NOC4L: variants seen among roughly 807,000 people sequenced by gnomAD.
The protein encoded by NOC4L is nucleolar complex protein 4 homolog.
Under a neutral mutation model 62.8 loss-of-function variants are expected in NOC4L, and 40 were observed. The ratio of observed to expected loss-of-function variants is 0.64; its 90% confidence interval spans 0.49 to 0.83. NOC4L has a LOEUF of 0.83. Among genes scored for constraint, NOC4L ranks in the 40% least tolerant of loss-of-function variants. The pLI is 0.00. For synonymous variants in NOC4L, 433 were observed against 299.8 expected (o/e 1.44, Z -4.59); for missense variants, 927 against 701.9 (o/e 1.32, Z -3.62).
rs1462639075 is a variant in NOC4L, at chr12:132,151,519, A to T, written c.1109A>T (p.Lys370Met). The T allele has an allele frequency of 6.2e-7, 1 of 1,606,660 alleles. No individual in the cohort carries two copies. The highest frequency in any genetic ancestry group is 2.2e-5 in the East Asian group (1 of 44,806). The change falls in exon 12 of 15, where the codon AAG becomes ATG. Residue 370 changes from lysine to methionine, a missense_variant. Lys to Met is a moderately conservative substitution (Grantham distance 95). Coordinates refer to ENST00000330579, the MANE Select transcript of NOC4L (RefSeq NM_024078.3). ...LPAYLVAAFAKRLARLALTAP... is the reference protein window; with the variant it reads ...LPAYLVAAFAMRLARLALTAP... ...GCCTACCTGGTGGCCGCCTTCGCCA[A>T]GCGGCTGGCCCGCCTGGCCCTGACG...
At chr12:132,145,208 C>T (rs1010571896) in intron 2 of NOC4L, among the ~76,000 whole-genome samples, 2 of 152,186 alleles carry the variant, frequency 1.3e-5, no homozygotes, top group South Asian at 2.1e-4. Context: ...GTGCTTTGCA[C>T]CCCTTTTGTA....
At position 132,152,315 on chromosome 12, in the gene NOC4L, G is replaced by A. The variant is rs772450880; in HGVS notation, c.1465G>A (p.Glu489Lys). 19 of 1,562,762 alleles carry A rather than the reference G, an allele frequency of 1.2e-5. No individual in the cohort carries two copies. Among genetic ancestry groups the A allele is most frequent in the African/African-American group, 5.4e-5 (4 of 73,422 alleles). Residue 489 changes from glutamate (E) to lysine (K), a missense_variant, in exon 15 of 15, where the codon GAG (glutamate) becomes AAG (lysine). Transcript: ENST00000330579. Reference sequence around the variant, plus strand: ...GCGGGACCTGAAGAAGAAGGGGCCCGAGCCGGTGCCACTGGAGTTTATCCC... The same window carrying A: ...GCGGGACCTGAAGAAGAAGGGGCCCAAGCCGGTGCCACTGGAGTTTATCCC... ...FERDLKKKGPEPVPLEFIPAQ... is the reference protein window; with the variant it reads ...FERDLKKKGPKPVPLEFIPAQ...
chr12:132,151,775 C>A lies in NOC4L; in HGVS notation c.1272C>A (p.Asp424Glu). 6.2e-7 allele frequency: 1 copy of A among 1,612,352 alleles called. No homozygotes were observed. The highest frequency in any genetic ancestry group is 8.5e-7 in the Non-Finnish European group (1 of 1,179,804). ...ACCCCTACGACCCTGGAGAGGAGGA[C>A]CCAGCCCAGAGCCGGGCCTTGGAGA... ...DADPYDPGEE[D>E]PAQSRALESS... Residue 424 changes from aspartate to glutamate, a missense_variant, in exon 13 of 15, where the codon GAC (aspartate) becomes GAA (glutamate). By Grantham distance (45) the Asp-to-Glu change is conservative. Coordinates refer to ENST00000330579, the MANE Select transcript of NOC4L (RefSeq NM_024078.3).
In NOC4L at chr12:132,148,644, C is replaced by T. The variant is rs989117813; in HGVS notation, c.774C>T (p.Ser258=). The change falls in exon 8 of 15, where the codon AGC becomes AGT. Residue 258 remains serine (S), a synonymous_variant. Coordinates refer to ENST00000330579, the MANE Select transcript of NOC4L (RefSeq NM_024078.3). Reference sequence around the variant, plus strand: ...GGGTTTTCCAGGCCATGTGGCTCAGCTTCCTCAAGCACAAGGTAGGGGCCA... The same window carrying T: ...GGGTTTTCCAGGCCATGTGGCTCAGTTTCCTCAAGCACAAGGTAGGGGCCA... The part of the protein sequence containing the change: ...HRRVFQAMWL[S]FLKHKLPLSL... The T allele has an allele frequency of 3.9e-6, 6 of 1,535,636 alleles. No homozygotes were observed. Among genetic ancestry groups the T allele is most frequent in the South Asian group, 1.2e-5 (1 of 83,696 alleles).
In NOC4L at chr12:132,148,211, C is replaced by G. The variant is rs900109473; in HGVS notation, c.738+105C>G. On this transcript the variant is annotated intron_variant, in intron 7 of 14. Coordinates refer to ENST00000330579, the MANE Select transcript of NOC4L (RefSeq NM_024078.3). The stretch of plus-strand genomic sequence containing the variant: ...GCCGCCTTCCTCACCAGAGGAAACT[C>G]CCAGGGTACAGGTGGCAGCTTGCAC... The G allele has an allele frequency of 5.7e-6, 7 of 1,217,744 alleles. No homozygotes were observed. The African/African-American group carries it at 7.5e-5, about 13-fold the overall frequency. The allele number at this position is 1,217,744 out of a possible 1,614,324, so 75.4% of individuals were successfully genotyped here.
chr12:132,146,291 C>T (rs772916370), intron 3 of NOC4L: 17 of 455,932 alleles, frequency 3.7e-5, no homozygotes, highest in South Asian at 1.5e-4. Flanking sequence ...CACTCATCGG[C>T]GTGTTCGAAG....
At chr12:132,145,346 G>A (rs934839250) in intron 2 of NOC4L, among the ~76,000 whole-genome samples, 2 of 152,208 alleles carry the variant, frequency 1.3e-5, no homozygotes, top group Non-Finnish European at 2.9e-5. Context: ...GCTTGGCTGG[G>A]GCAGTCCTGG....
At chr12:132,145,701 C>T (rs772762356) in intron 3 of NOC4L, 36 bp downstream of exon 3, 1 of 1,432,158 alleles carries the variant, frequency 7.0e-7, no homozygotes, top group Non-Finnish European at 9.8e-7. Context: ...TTGTCCATCC[C>T]CTGCACCCCA....
At position 132,151,790 on chromosome 12, in the gene NOC4L, G is replaced by A; in HGVS notation, c.1287G>A (p.Arg429=). The change falls in exon 13 of 15, where the codon CGG becomes CGA. Residue 429 remains arginine, a synonymous_variant. Transcript: ENST00000330579. ...GAGAGGAGGACCCAGCCCAGAGCCG[G>A]GCCTTGGAGAGCTCCCTGTGGGAGC... The part of the protein sequence containing the change: ...DPGEEDPAQS[R]ALESSLWELQ... The A allele has an allele frequency of 6.2e-7, 1 of 1,612,290 alleles. No homozygotes were observed. Among genetic ancestry groups the A allele is most frequent in the Non-Finnish European group, 8.5e-7 (1 of 1,179,796 alleles).
At chr12:132,151,216 C>T (rs373812488) in intron 10 of NOC4L, 42 bp from the exon 11 acceptor site, 330 of 1,553,602 alleles carry the variant, frequency 2.1e-4, no homozygotes, top group Non-Finnish European at 2.6e-4. Context: ...CCTCAGTTCC[C>T]GGGCCCTGCT....
intron 7 of NOC4L, 34 bp downstream of exon 7, chr12:132,148,140 G>A (rs927091669): frequency 3.6e-5 from 58 of 1,610,142 alleles, no homozygotes; most frequent in Admixed American, 1.0e-4. Context: ...GCACCCTCCC[G>A]GGTTTGGGGG....
chr12:132,147,247 G>A lies in NOC4L; in HGVS notation c.346-34G>A, dbSNP rs1897756918. On this transcript the variant is annotated intron_variant, in intron 3 of 14. Coordinates refer to ENST00000330579, the MANE Select transcript of NOC4L (RefSeq NM_024078.3). ...CTCTGGGCCCATCCGTGGGGTGAGGGCATCACAGCCACCCTGCACTGCCCC... is the reference window on the plus strand; with the variant it reads ...CTCTGGGCCCATCCGTGGGGTGAGGACATCACAGCCACCCTGCACTGCCCC... The A allele has an allele frequency of 2.8e-6, 4 of 1,442,356 alleles. No homozygotes were observed. In the East Asian group the frequency reaches 7.7e-5, roughly 28 times the overall value. 89.3% of individuals were successfully genotyped at this position (1,442,356 alleles called of 1,614,324 possible).
chr12:132,147,671 G>A lies in NOC4L; in HGVS notation c.492G>A (p.Gln164=). 1 of 1,612,924 alleles carries A rather than the reference G, an allele frequency of 6.2e-7. No individual in the cohort carries two copies. The highest frequency in any genetic ancestry group is 1.1e-5 in the South Asian group (1 of 91,086). ...VGGLLSPEED[Q]SLLLSQFREY... is the part of the protein sequence containing the mutation. ...GCCTGCTGTCTCCTGAGGAGGACCA[G>A]AGCCTGCTCCTGTCCCAGTTCCGGG... The change falls in exon 5 of 15, where the codon CAG becomes CAA. Residue 164 remains glutamine, a synonymous_variant. Coordinates refer to ENST00000330579, the MANE Select transcript of NOC4L (RefSeq NM_024078.3).
chr12:132,148,881 G>A lies in NOC4L; in HGVS notation c.887G>A (p.Arg296His), dbSNP rs768185664. 21 of 1,594,450 alleles carry A rather than the reference G, an allele frequency of 1.3e-5. No homozygotes were observed. The highest frequency in any genetic ancestry group is 5.4e-5 in the African/African-American group (4 of 74,196). The change falls in exon 9 of 15, where the codon CGC becomes CAC. Residue 296 changes from arginine (R) to histidine (H), a missense_variant. Coordinates refer to ENST00000330579, the MANE Select transcript of NOC4L (RefSeq NM_024078.3). ...ACGCTCATGATCGACTTCCTCACCCGCGCCTGCGACCTCGGTGAGTGCCGC... is the reference window on the plus strand; with the variant it reads ...ACGCTCATGATCGACTTCCTCACCCACGCCTGCGACCTCGGTGAGTGCCGC... ...QPTLMIDFLTRACDLGGALSL... is the reference protein window; with the variant it reads ...QPTLMIDFLTHACDLGGALSL...
At chr12:132,146,340 G>C in intron 3 of NOC4L, 1 of 456,092 alleles carries the variant, frequency 2.2e-6, no homozygotes, top group South Asian at 1.5e-5. Context: ...GCGTCGTATA[G>C]CACAGCACGT....
In NOC4L at chr12:132,151,465, C is replaced by A; in HGVS notation, c.1074-19C>A. ...GGCTAGCAGTCCGGGCCCTGTCTCA[C>A]AACCACTGCCCTGCCCAGCCACCTC... On this transcript the variant is annotated intron_variant, in intron 11 of 14. Coordinates refer to ENST00000330579, the MANE Select transcript of NOC4L (RefSeq NM_024078.3). The A allele has an allele frequency of 6.2e-7, 1 of 1,600,042 alleles. No individual in the cohort carries two copies. The highest frequency in any genetic ancestry group is 1.1e-5 in the South Asian group (1 of 90,972).
chr12:132,150,971 C>T lies in NOC4L; in HGVS notation c.902-10C>T, dbSNP rs377547852. The T allele has an allele frequency of 3.1e-6, 5 of 1,601,044 alleles. No homozygotes were observed. The highest frequency in any genetic ancestry group is 1.1e-5 in the South Asian group (1 of 89,210). The stretch of plus-strand genomic sequence containing the variant: ...CACTGCAGCTCCAGCCTGTGTCTGT[C>T]TGTCTGCAGGGGGGGCCCTCAGCCT... On this transcript the variant is annotated splice_polypyrimidine_tract_variant and intron_variant, in intron 9 of 14. Transcript: ENST00000330579.
rs534111025 is a variant in NOC4L at position 132,144,466 on chromosome 12, C to T, written c.-23C>T. ...GGGAGCGCCGGCGGCTGAGAATCCG[C>T]GTTGTTCCGTGTTGGGGGCGGCATG... On this transcript the variant is annotated 5_prime_UTR_variant, in exon 1 of 15. Transcript: ENST00000330579. The T allele has an allele frequency of 1.5e-5, 23 of 1,502,458 alleles. No individual in the cohort carries two copies. In the South Asian group the frequency reaches 2.6e-4, roughly 17 times the overall value. 93.1% of individuals were successfully genotyped at this position (1,502,458 alleles called of 1,614,324 possible).
chr12:132,146,817 G>C (rs561083471), intron 3 of NOC4L, among the ~76,000 whole-genome samples: 3 of 152,136 alleles, frequency 2.0e-5, no homozygotes, highest in Admixed American at 6.6e-5. Flanking sequence ...CATCCCGCAC[G>C]AGGCTCTTTT....
Sources: allele counts gnomAD v4.1 joint callset (sites outside exome capture counted in the v4.1 genomes callset), GRCh38; gene constraint gnomAD v4.1.1; transcripts MANE v1.5; gene names NCBI Gene and HGNC (gene_info 2026-07-23, HGNC 2026-07-21).